Variants in CIAO2B observed in about 807,000 individuals in gnomAD.
CIAO2B encodes the protein MSS19-interacting protein of 18 kDa.
In CIAO2B, 20 loss-of-function variants were observed where a neutral mutation model predicts 16.4. The observed-to-expected ratio is 1.22, with a 90% CI of 0.86 to 1.77. The LOEUF is 1.77. Among genes scored for constraint, CIAO2B ranks in the 40% most tolerant of loss-of-function variants. CIAO2B has a pLI of 0.00. For synonymous variants in CIAO2B, 106 were observed against 90.4 expected (o/e 1.17, Z -0.98); for missense variants, 215 against 222.4 (o/e 0.97, Z 0.21).
At position 66,932,842 on chromosome 16, in the gene CIAO2B, C is replaced by T; in HGVS notation, c.349-17G>A. ...CACGTCCATCTGGGAGGGAGATAAC[C>T]AGGGCCTGAACACCCACCCACCGAC... On this transcript the variant is annotated splice_polypyrimidine_tract_variant and intron_variant, in intron 3 of 4. Transcript: ENST00000422424. The T allele has an allele frequency of 6.2e-7, 1 of 1,611,128 alleles. No homozygotes were observed. Among genetic ancestry groups the T allele is most frequent in the Non-Finnish European group, 8.5e-7 (1 of 1,178,722 alleles).
chr16:66,933,991 AC>A lies in CIAO2B; in HGVS notation c.217del (p.Val73PhefsTer60). ...CTCCCCTCGGAAGTGACTCACCTGAACCCGCACCTGCTCTACTACGTTCAAC... is the reference window on the plus strand; with the variant it reads ...CTCCCCTCGGAAGTGACTCACCTGAACCGCACCTGCTCTACTACGTTCAAC... ...EELNVVEQVR[V>X]QVSDPESTVA... On this transcript the variant is annotated frameshift_variant, in exon 2 of 5. Coordinates refer to ENST00000422424, the MANE Select transcript of CIAO2B (RefSeq NM_016062.4). LOFTEE classifies it high-confidence loss of function. 1 of 1,613,340 alleles carries A rather than the reference AC, an allele frequency of 6.2e-7. No homozygotes were observed. Among genetic ancestry groups the A allele is most frequent in the South Asian group, 1.1e-5 (1 of 91,018 alleles).
Position 66,933,735 on chromosome 16 carries a change from C to CCGTCTCAT in CIAO2B, c.226_227insATGAGACG (p.Ser76AsnfsTer60). The CCGTCTCAT allele has an allele frequency of 6.5e-7, 1 of 1,548,092 alleles. No homozygotes were observed. Among genetic ancestry groups the CCGTCTCAT allele is most frequent in the Non-Finnish European group, 8.7e-7 (1 of 1,145,296 alleles). The stretch of plus-strand genomic sequence containing the variant: ...CACAGCCACTGTACTCTCGGGGTCG[C>CCGTCTCAT]TAACCTGGTTGTGGAGGAGAGATGT... On this transcript the variant is annotated frameshift_variant, in exon 3 of 5. Coordinates refer to ENST00000422424, the MANE Select transcript of CIAO2B (RefSeq NM_016062.4). LOFTEE classifies it high-confidence loss of function.
At position 66,934,260 on chromosome 16, in the gene CIAO2B, C is replaced by T. The variant is rs1963139635; in HGVS notation, c.105G>A (p.Glu35=). The stretch of plus-strand genomic sequence containing the variant: ...GTGCGTCGATGCTGTCGGGAACCTG[C>T]TCGTCCTCCTCGCCTGCCGTCACAG... The part of the protein sequence containing the change: ...ERPVTAGEED[E]QVPDSIDARE... Residue 35 remains glutamate, a synonymous_variant, in exon 1 of 5, where the codon GAG becomes GAA. Coordinates refer to ENST00000422424, the MANE Select transcript of CIAO2B (RefSeq NM_016062.4). This position sits in a 1 kb window ranked among gnomAD's most constrained non-coding sequence, Gnocchi z 4.1. 6.2e-6 allele frequency: 10 copies of T among 1,609,014 alleles called. No individual in the cohort carries two copies. The highest frequency in any genetic ancestry group is 2.2e-5 in the South Asian group (2 of 91,006).
In CIAO2B at chr16:66,932,811, A is replaced by C. The variant is rs770331690; in HGVS notation, c.363T>G (p.Ile121Met). ...GCTCTGAGGCATGGGTCCCCGGAGT[A>C]ATGTGCACGTCCATCTGGGAGGGAG... is the stretch of plus-strand genomic sequence containing the variant. ...LPQRFKMDVHITPGTHASEHA... is the reference protein window; with the variant it reads ...LPQRFKMDVHMTPGTHASEHA... The change falls in exon 4 of 5, where the codon ATT becomes ATG. Residue 121 changes from isoleucine to methionine, a missense_variant. By Grantham distance (10) the Ile-to-Met change is conservative. Coordinates refer to ENST00000422424, the MANE Select transcript of CIAO2B (RefSeq NM_016062.4). The C allele has an allele frequency of 6.2e-7, 1 of 1,612,178 alleles. No individual in the cohort carries two copies. Among genetic ancestry groups the C allele is most frequent in the South Asian group, 1.1e-5 (1 of 90,622 alleles).
Position 66,933,755 on chromosome 16 carries a change from A to G in CIAO2B, c.223-16T>C. 6.4e-7 allele frequency: 1 copy of G among 1,552,612 alleles called. No individual in the cohort carries two copies. Among genetic ancestry groups the G allele is most frequent in the Non-Finnish European group, 8.7e-7 (1 of 1,147,924 alleles). Reference sequence around the variant, plus strand: ...GGTCGCTAACCTGGTTGTGGAGGAGAGATGTCAAGAGTCAACCACCCTCAG... The same window carrying G: ...GGTCGCTAACCTGGTTGTGGAGGAGGGATGTCAAGAGTCAACCACCCTCAG... On this transcript the variant is annotated splice_polypyrimidine_tract_variant and intron_variant, in intron 2 of 4. Coordinates refer to ENST00000422424, the MANE Select transcript of CIAO2B (RefSeq NM_016062.4).
Position 66,934,250 on chromosome 16 carries a change from CG to C in CIAO2B, c.114del (p.Asp39ThrfsTer11). 6.2e-7 allele frequency: 1 copy of C among 1,609,750 alleles called. No individual in the cohort carries two copies. On this transcript the variant is annotated frameshift_variant, in exon 1 of 5. Transcript: ENST00000422424. LOFTEE classifies it high-confidence loss of function. The surrounding 1 kb of genome is among the most constrained non-coding windows in gnomAD (Gnocchi z 4.1). ...VTAGEEDEQV[P>X]DSIDAREIFD... ...AAGATCTCGCGTGCGTCGATGCTGT[CG>C]GGAACCTGCTCGTCCTCCTCGCCTG...
chr16:66,932,929 AATC>A, intron 3 of CIAO2B, 104 bp from the exon 4 acceptor site: 2 of 1,279,984 alleles, frequency 1.6e-6, no homozygotes, highest in Non-Finnish European at 2.2e-6. Flanking sequence ...CCTTCCTCCT[AATC>A]ATGCCTTTGG....
At position 66,932,308 on chromosome 16, in the gene CIAO2B, G is replaced by A. The variant is rs764033267; in HGVS notation, c.395-8C>T. 4 of 1,612,220 alleles carry A rather than the reference G, an allele frequency of 2.5e-6. No individual in the cohort carries two copies. In the South Asian group the frequency reaches 3.3e-5, roughly 13 times the overall value. ...CTGCAAGTTGCTTGTTCACTAGGTG[G>A]GAAGAAGGGTGTGGGGAAGGCAGAG... On this transcript the variant is annotated splice_polypyrimidine_tract_variant and splice_region_variant and intron_variant, in intron 4 of 4. Transcript: ENST00000422424.
At chr16:66,932,968 A>C (rs1333129341) in intron 3 of CIAO2B, 143 bp from the exon 4 acceptor site, 4 of 824,102 alleles carry the variant, frequency 4.9e-6, no homozygotes, top group Non-Finnish European at 7.8e-6. Context: ...TTACACCCCA[A>C]ACCCATCCAC....
chr16:66,934,400 G>C lies in CIAO2B; in HGVS notation c.-36C>G. ...CCACCGCTGATCCTAGCAGGCGTGC[G>C]CTTCCGCTCCAACCCGCGCACTTCC... On this transcript the variant is annotated 5_prime_UTR_variant, in exon 1 of 5. Transcript: ENST00000422424. This position sits in a 1 kb window ranked among gnomAD's most constrained non-coding sequence, Gnocchi z 4.1. 1 of 1,477,990 alleles carries C rather than the reference G, an allele frequency of 6.8e-7. No homozygotes were observed. Among genetic ancestry groups the C allele is most frequent in the East Asian group, 2.5e-5 (1 of 40,664 alleles). 91.6% of individuals were successfully genotyped at this position (1,477,990 alleles called of 1,614,324 possible). A position where few individuals can be genotyped will look rare whatever the true frequency, so the allele number is the denominator to read the frequency against.
At chr16:66,933,151 A>C (rs1963093346) in intron 3 of CIAO2B, among the ~76,000 whole-genome samples, 1 of 151,728 alleles carries the variant, frequency 6.6e-6, no homozygotes, top group Non-Finnish European at 1.5e-5. Flanking sequence ...ACCACGCCCC[A>C]CTAATTTTTG....
chr16:66,932,431 T>A, intron 4 of CIAO2B, 131 bp from the exon 5 acceptor site: 1 of 770,594 alleles, frequency 1.3e-6, no homozygotes, highest in East Asian at 2.7e-5. Flanking sequence ...TGTCACCTCC[T>A]TCCCAGGACC....
At chr16:66,932,702 G>A in intron 4 of CIAO2B, 78 bp downstream of exon 4, 1 of 1,493,798 alleles carries the variant, frequency 6.7e-7, no homozygotes, top group South Asian at 1.2e-5. Context: ...CTTGCCCATA[G>A]ACTCCTGTGC....
intron 4 of CIAO2B, 80 bp from the exon 5 acceptor site, chr16:66,932,380 C>T (rs571279897): frequency 1.1e-4 from 126 of 1,104,026 alleles, no homozygotes; most frequent in Non-Finnish European, 1.7e-4. Flanking sequence ...TACCTCTGAA[C>T]CTCTATATAG....
chr16:66,933,345 G>C (rs1007251442), intron 3 of CIAO2B: 1 of 457,402 alleles, frequency 2.2e-6, no homozygotes, highest in African/African-American at 2.0e-5. Context: ...TTAAAGGCCT[G>C]CCTGTGCCCC....
At chr16:66,932,908 C>G in intron 3 of CIAO2B, 83 bp from the exon 4 acceptor site, 10 of 1,457,916 alleles carry the variant, frequency 6.9e-6, no homozygotes, top group Non-Finnish European at 9.5e-6. Context: ...CAGGCACCAT[C>G]TCCAGCTGAT....
chr16:66,932,766 CAGT>C lies in CIAO2B; in HGVS notation c.394+11_394+13del, dbSNP rs1963082462. On this transcript the variant is annotated intron_variant, in intron 4 of 4. Transcript: ENST00000422424. ...GTGCCCGGGCCAACACCCTCACCAC[CAGT>C]CCACACTTACCTGCATGCTCTGAGG... is the stretch of plus-strand genomic sequence containing the variant. 1 of 1,608,018 alleles carries C rather than the reference CAGT, an allele frequency of 6.2e-7. No individual in the cohort carries two copies. Among genetic ancestry groups the C allele is most frequent in the African/African-American group, 1.3e-5 (1 of 74,758 alleles).
rs774353687 is a variant in CIAO2B at position 66,934,366 on chromosome 16, G to C, written c.-2C>G. On this transcript the variant is annotated 5_prime_UTR_variant, in exon 1 of 5. Coordinates refer to ENST00000422424, the MANE Select transcript of CIAO2B (RefSeq NM_016062.4). The surrounding 1 kb of genome is among the most constrained non-coding windows in gnomAD (Gnocchi z 4.1). Reference sequence around the variant, plus strand: ...GCCGACCCCGCCGCCGCCTACCATCGCGGAACCACCACCGCTGATCCTAGC... The same window carrying C: ...GCCGACCCCGCCGCCGCCTACCATCCCGGAACCACCACCGCTGATCCTAGC... 2 of 1,550,656 alleles carry C rather than the reference G, an allele frequency of 1.3e-6. No individual in the cohort carries two copies. The highest frequency in any genetic ancestry group is 1.7e-6 in the Non-Finnish European group (2 of 1,155,112).
chr16:66,932,945 T>C, intron 3 of CIAO2B, 120 bp from the exon 4 acceptor site: 1 of 1,096,816 alleles, frequency 9.1e-7, no homozygotes, highest in Non-Finnish European at 1.3e-6. Context: ...GCCTTTGGAC[T>C]CTGGCCCTTC....
Sources: allele counts gnomAD v4.1 joint callset (sites outside exome capture counted in the v4.1 genomes callset), GRCh38; gene constraint gnomAD v4.1.1; non-coding constraint Gnocchi (gnomAD v3.1); transcripts MANE v1.5; gene names NCBI Gene and HGNC (gene_info 2026-07-23, HGNC 2026-07-21).